EIF4G3: variants seen among roughly 807,000 people sequenced by gnomAD.
EIF4G3 encodes eukaryotic translation initiation factor 4 gamma 3.
Under a neutral mutation model 186.4 loss-of-function variants are expected in EIF4G3, and 34 were observed. The ratio of observed to expected loss-of-function variants is 0.18; its 90% CI spans 0.14 to 0.24. The LOEUF (loss-of-function observed/expected upper bound fraction) is 0.24, where lower values mean the gene tolerates loss of function less well. Ranked by LOEUF, EIF4G3 falls within the 10% of genes least tolerant of loss-of-function variation. The probability of loss-of-function intolerance (pLI) is 1.00; values close to 1 mark genes in which losing one functional copy is unlikely to be tolerated. For synonymous variants in EIF4G3, 673 were observed against 679.5 expected (o/e 0.99, Z 0.15); for missense variants, 1,536 against 1,948.5 (o/e 0.79, Z 3.99).
chr1:20,927,412 A>T (rs1182847351), intron 14 of EIF4G3, among the ~76,000 whole-genome samples: 3 of 152,240 alleles, frequency 2.0e-5, no homozygotes, highest in South Asian at 4.1e-4. Context: ...GACTATTTCT[A>T]CAGGTCTTAG....
rs552817993 is a variant in EIF4G3, at chr1:20,919,555, A to C, written c.1664-14584T>G. On this transcript the variant is annotated intron_variant, in intron 14 of 36. Coordinates refer to ENST00000602326, the MANE Select transcript of EIF4G3 (RefSeq NM_001391906.1). ...TTATATTGAATTTTCTCTAATCAAT[A>C]TATGCTAACTTTGAAAACAATACCA... is the stretch of plus-strand genomic sequence containing the variant. Among the ~76,000 whole-genome samples the C allele has an allele frequency of 1.2e-3, 185 of 152,364 alleles. 1 individual carries two copies. The highest frequency in any genetic ancestry group is 4.2e-3 in the African/African-American group (175 of 41,588).
chr1:20,988,304 T>A (rs2080077697), intron 7 of EIF4G3: 1 of 170,420 alleles, frequency 5.9e-6, no homozygotes, highest in Non-Finnish European at 1.5e-5. Flanking sequence ...CACATGATTT[T>A]CAGTGTAGAT....
At chr1:21,007,584 T>C (rs577593516) in intron 4 of EIF4G3, among the ~76,000 whole-genome samples, 109 of 97,828 alleles carry the variant, frequency 1.1e-3, no homozygotes, top group Middle Eastern at 9.3e-3. Context: ...TGTCTATATA[T>C]AAAAAAGGTG....
intron 34 of EIF4G3, among the ~76,000 whole-genome samples, chr1:20,814,859 T>C (rs2060143389): frequency 8.8e-6 from 1 of 113,900 alleles, no homozygotes; most frequent in Non-Finnish European, 1.8e-5. Flanking sequence ...ACTGCTGCCA[T>C]CTCGGCTCAC....
chr1:21,154,426 G>GC (rs2097601793), intron 2 of EIF4G3, among the ~76,000 whole-genome samples: 1 of 152,144 alleles, frequency 6.6e-6, no homozygotes, highest in South Asian at 2.1e-4. Context: ...AAAACAACCT[G>GC]CAACATTCTA....
At chr1:21,049,558 T>C (rs2094096433) in intron 4 of EIF4G3, among the ~76,000 whole-genome samples, 1 of 152,190 alleles carries the variant, frequency 6.6e-6, no homozygotes, top group African/African-American at 2.4e-5. Context: ...AGCACTAAGT[T>C]CTTGACAAAC....
intron 15 of EIF4G3, among the ~76,000 whole-genome samples, chr1:20,902,534 C>G (rs559628680): frequency 9.2e-5 from 14 of 152,258 alleles, no homozygotes; most frequent in African/African-American, 3.4e-4. Flanking sequence ...CTACACTATG[C>G]CAACAAAAGC....
chr1:21,168,256 T>C (rs1457197800), intron 2 of EIF4G3, among the ~76,000 whole-genome samples: 2 of 151,622 alleles, frequency 1.3e-5, no homozygotes, highest in East Asian at 3.9e-4. Flanking sequence ...ATACAAAAAA[T>C]TAGCCGGTCG....
chr1:20,882,215 A>ACACACACACACACAC (rs2082604815), intron 19 of EIF4G3, among the ~76,000 whole-genome samples: 1 of 139,474 alleles, frequency 7.2e-6, no homozygotes, highest in South Asian at 2.3e-4. Context: ...ACACACACAC[A>ACACACACACACACAC]AAATCATTTA....
chr1:20,916,409 T>C (rs1345941118), intron 14 of EIF4G3, among the ~76,000 whole-genome samples: 1 of 151,304 alleles, frequency 6.6e-6, no homozygotes, highest in Non-Finnish European at 1.5e-5. Flanking sequence ...ATCGTGCCAT[T>C]GCACTCCAGC....
rs745446732 is a variant in EIF4G3, at chr1:20,825,124, A to T, written c.4344T>A (p.Asp1448Glu). The change falls in exon 33 of 37, where the codon GAT (aspartate) becomes GAA (glutamate). Residue 1448 changes from aspartate (D) to glutamate (E), a missense_variant. Physicochemically the swap from Asp to Glu is conservative, Grantham distance 45. This residue lies in a region of EIF4G3 where 395 missense variants were observed against 498.9 expected (regional missense o/e 0.79). Transcript: ENST00000602326. Reference sequence around the variant, plus strand: ...CCTGCTCCAAAAGAAAATTATGTACATCTTCTCCTTCTGGTAAAAAGTCCT... The same window carrying T: ...CCTGCTCCAAAAGAAAATTATGTACTTCTTCTCCTTCTGGTAAAAAGTCCT... ...SWKDFLPEGE[D>E]VHNFLLEQKL... 6.2e-7 allele frequency: 1 copy of T among 1,612,914 alleles called. No individual in the cohort carries two copies. Among genetic ancestry groups the T allele is most frequent in the South Asian group, 1.1e-5 (1 of 90,866 alleles).
chr1:20,814,409 A>G (rs1177895059), intron 34 of EIF4G3, among the ~76,000 whole-genome samples: 2 of 152,074 alleles, frequency 1.3e-5, no homozygotes, highest in Non-Finnish European at 2.9e-5. Context: ...CCTATCCTTT[A>G]CTCATTCAAT....
intron 4 of EIF4G3, among the ~76,000 whole-genome samples, chr1:21,010,162 C>T (rs1302326646): frequency 6.6e-6 from 1 of 151,920 alleles, no homozygotes; most frequent in Non-Finnish European, 1.5e-5. Flanking sequence ...AAACATGTAA[C>T]AAGGCCTGGC....
intron 34 of EIF4G3, among the ~76,000 whole-genome samples, chr1:20,815,648 G>T (rs1303599343): frequency 5.1e-4 from 63 of 123,146 alleles, no homozygotes; most frequent in African/African-American, 1.7e-3. Context: ...CGGGAGGGAG[G>T]TGGGGGGGGG....
chr1:21,068,292 C>G (rs2095321536), intron 3 of EIF4G3, among the ~76,000 whole-genome samples: 1 of 146,728 alleles, frequency 6.8e-6, no homozygotes, highest in African/African-American at 2.5e-5. Context: ...TCGCTTGAAC[C>G]TAGGAGGTGG....
chr1:20,840,701 A>T (rs971971199), intron 30 of EIF4G3, among the ~76,000 whole-genome samples, 155 bp downstream of exon 30: 12 of 152,342 alleles, frequency 7.9e-5, no homozygotes, highest in African/African-American at 2.6e-4. Flanking sequence ...ATCAACCAAC[A>T]TATCAATATA....
intron 10 of EIF4G3, among the ~76,000 whole-genome samples, chr1:20,980,109 G>C (rs1388910536): frequency 1.3e-5 from 2 of 152,048 alleles, no homozygotes; most frequent in African/African-American, 2.4e-5. Flanking sequence ...GCTAAGGCAG[G>C]ATGATCACTT....
intron 4 of EIF4G3, among the ~76,000 whole-genome samples, chr1:21,044,472 C>G (rs1004518576): frequency 1.3e-5 from 2 of 151,932 alleles, no homozygotes; most frequent in African/African-American, 4.8e-5. Flanking sequence ...TCATCTATTT[C>G]AACAATGAAA....
At chr1:20,811,681 C>T (rs1048204434) in intron 35 of EIF4G3, among the ~76,000 whole-genome samples, 3 of 151,826 alleles carry the variant, frequency 2.0e-5, no homozygotes, top group Admixed American at 6.6e-5. Flanking sequence ...AATGTCTTAC[C>T]ATAAAAAAAG....
Sources: gnomAD v4.1 joint callset for allele counts (sites outside exome capture counted in the v4.1 genomes callset) on GRCh38, gnomAD v4.1.1 for gene constraint, gnomAD v4.1.1 regional missense constraint, MANE v1.5 for transcripts, NCBI Gene and HGNC (gene_info 2026-07-23, HGNC 2026-07-21) for gene names.